RAB12: variants seen among roughly 807,000 people sequenced by gnomAD.
RAB12 encodes RAB12, member RAS oncogene family, also known as ras-related protein Rab-12.
Under a neutral mutation model 28.4 loss-of-function variants are expected in RAB12, and 11 were observed. That is an observed-to-expected ratio of 0.39 (90% CI 0.24 to 0.64). The LOEUF (loss-of-function observed/expected upper bound fraction) is 0.64, where lower values mean the gene tolerates loss of function less well. RAB12 is among the 30% of genes least tolerant of loss of function. The pLI, the probability that RAB12 is intolerant of heterozygous loss-of-function variation, is 0.50. For synonymous variants in RAB12, 138 were observed against 145.3 expected (o/e 0.95, Z 0.36); for missense variants, 276 against 351.1 (o/e 0.79, Z 1.71).
chr18:8,629,929 T>C (rs2096014974), intron 2 of RAB12, among the ~76,000 whole-genome samples: 1 of 152,230 alleles, frequency 6.6e-6, no homozygotes, highest in African/African-American at 2.4e-5. Context: ...TGGGTAAAGC[T>C]AAATCATAGA....
intron 2 of RAB12, among the ~76,000 whole-genome samples, chr18:8,630,595 G>A (rs1335048540): frequency 1.3e-5 from 2 of 152,214 alleles, no homozygotes; most frequent in African/African-American, 4.8e-5. Flanking sequence ...GGCCGAAGGG[G>A]AGGTCCATTC....
chr18:8,626,668 G>A (rs894623201), intron 2 of RAB12, among the ~76,000 whole-genome samples: 12 of 152,186 alleles, frequency 7.9e-5, no homozygotes, highest in Non-Finnish European at 1.2e-4. Flanking sequence ...AATCCCCCTC[G>A]GGGAGAAAGT....
intron 1 of RAB12, among the ~76,000 whole-genome samples, chr18:8,619,802 T>C (rs761758652): frequency 2.6e-5 from 4 of 152,142 alleles, no homozygotes; most frequent in Non-Finnish European, 5.9e-5. Flanking sequence ...GTATTAGACA[T>C]GGAGTATTTG....
intron 1 of RAB12, among the ~76,000 whole-genome samples, chr18:8,615,406 A>G (rs1050263805): frequency 3.9e-5 from 6 of 152,142 alleles, no homozygotes; most frequent in African/African-American, 1.4e-4. Context: ...ATTTTGCTAT[A>G]CTGTATTTGT....
chr18:8,633,258 A>C lies in RAB12; in HGVS notation c.645A>C (p.Ile215=), dbSNP rs1400012085. The part of the protein sequence containing the change: ...SAYYRSAKGI[I]LVYDITKKET... Reference sequence around the variant, plus strand: ...ATTACAGAAGTGCCAAGGGGATCATATTAGTATATGATATCACTAAGAAGG... The same window carrying C: ...ATTACAGAAGTGCCAAGGGGATCATCTTAGTATATGATATCACTAAGAAGG... The change falls in exon 3 of 6, where the codon ATA becomes ATC. Residue 215 remains isoleucine, a synonymous_variant. Transcript: ENST00000649141. 2 of 1,613,922 alleles carry C rather than the reference A, an allele frequency of 1.2e-6. No homozygotes were observed. Among genetic ancestry groups the C allele is most frequent in the African/African-American group, 1.3e-5 (1 of 74,922 alleles).
At position 8,638,938 on chromosome 18, in the gene RAB12, A is replaced by G. The variant is rs1490882429; in HGVS notation, c.*676A>G. 2 of 152,204 alleles carry G rather than the reference A, an allele frequency of 1.3e-5. No homozygotes were observed. Among genetic ancestry groups the G allele is most frequent in the East Asian group, 3.9e-4 (2 of 5,190 alleles). The allele number at this position is 152,204 out of a possible 1,614,324, so 9.4% of individuals were successfully genotyped here. A position where few individuals can be genotyped will look rare whatever the true frequency, so the allele number is the denominator to read the frequency against. On this transcript the variant is annotated 3_prime_UTR_variant, in exon 6 of 6. Coordinates refer to ENST00000649141, the MANE Select transcript of RAB12 (RefSeq NM_001025300.3). ...CTTTTAAGAACTACAAAGATTCAAT[A>G]AAGAAAGAAATGTTTTTGAAACTAT...
intron 1 of RAB12, among the ~76,000 whole-genome samples, chr18:8,619,123 G>C (rs2096008356): frequency 6.6e-6 from 1 of 152,160 alleles, no homozygotes; most frequent in Non-Finnish European, 1.5e-5. Flanking sequence ...TGTTTGTATT[G>C]AGACTTACTT....
At chr18:8,633,914 A>T (rs761224266) in intron 3 of RAB12, among the ~76,000 whole-genome samples, 1 of 152,218 alleles carries the variant, frequency 6.6e-6, no homozygotes, top group Non-Finnish European at 1.5e-5. Context: ...ATACACATTT[A>T]GAAGGCAGAG....
At chr18:8,632,976 TTAAATA>T (rs1598313723) in intron 2 of RAB12, 2 of 554,846 alleles carry the variant, frequency 3.6e-6, no homozygotes, top group East Asian at 6.3e-5. Flanking sequence ...AATTTAGTTG[TTAAATA>T]TAAAGGTATT....
intron 1 of RAB12, among the ~76,000 whole-genome samples, chr18:8,612,830 C>T (rs1308438855): frequency 1.3e-5 from 2 of 152,142 alleles, no homozygotes; most frequent in Non-Finnish European, 2.9e-5. Context: ...ACCACCAAGC[C>T]CTTTTTTGAT....
At chr18:8,619,771 T>G (rs534880698) in intron 1 of RAB12, among the ~76,000 whole-genome samples, 1 of 152,170 alleles carries the variant, frequency 6.6e-6, no homozygotes, top group Non-Finnish European at 1.5e-5. Context: ...ACTGGGCTGC[T>G]GTGAGGCTTG....
At chr18:8,619,620 C>T (rs984524006) in intron 1 of RAB12, among the ~76,000 whole-genome samples, 11 of 152,174 alleles carry the variant, frequency 7.2e-5, no homozygotes, top group Non-Finnish European at 1.3e-4. Flanking sequence ...AATAACCTTT[C>T]ATTGTGGGCA....
chr18:8,638,203 C>T lies in RAB12; in HGVS notation c.964C>T (p.Pro322Ser), dbSNP rs984091796. ...ELSNSILSLQ[P>S]EPEIPPELPP... ...GTCCAATAGTATCCTGTCGTTACAA[C>T]CAGAGCCTGAGATACCGCCAGAACT... is the stretch of plus-strand genomic sequence containing the variant. Residue 322 changes from proline (P) to serine (S), a missense_variant, in exon 6 of 6, where the codon CCA (proline) becomes TCA (serine). Transcript: ENST00000649141. The T allele has an allele frequency of 4.3e-6, 7 of 1,613,780 alleles. No individual in the cohort carries two copies. Among genetic ancestry groups the T allele is most frequent in the Non-Finnish European group, 5.9e-6 (7 of 1,179,858 alleles).
intron 1 of RAB12, among the ~76,000 whole-genome samples, chr18:8,618,158 T>C (rs2096007696): frequency 6.6e-6 from 1 of 152,046 alleles, no homozygotes; most frequent in Admixed American, 6.5e-5. Context: ...GTGGTGTCAT[T>C]GTTTGTTCCA....
At chr18:8,638,051 T>G in intron 5 of RAB12, 98 bp from the exon 6 acceptor site, 1 of 712,324 alleles carries the variant, frequency 1.4e-6, no homozygotes, top group Non-Finnish European at 2.4e-6. Flanking sequence ...CAGCTGTGTA[T>G]AAGTGGACCT....
intron 2 of RAB12, among the ~76,000 whole-genome samples, chr18:8,628,196 A>G (rs1306652574): frequency 2.0e-5 from 3 of 152,214 alleles, no homozygotes; most frequent in Non-Finnish European, 4.4e-5. Context: ...AGGTGAAAGC[A>G]TGATCAGTGC....
intron 1 of RAB12, among the ~76,000 whole-genome samples, chr18:8,617,196 A>G (rs1006759013): frequency 6.6e-6 from 1 of 152,244 alleles, no homozygotes; most frequent in Non-Finnish European, 1.5e-5. Flanking sequence ...CATAGAAAAG[A>G]CAATTTTTAA....
chr18:8,614,505 T>TAAA (rs763826653), intron 1 of RAB12, among the ~76,000 whole-genome samples: 11 of 87,292 alleles, frequency 1.3e-4, no homozygotes, highest in African/African-American at 3.9e-4. Flanking sequence ...GTAAGAACAT[T>TAAA]AAAAAAAAAA....
At chr18:8,620,568 T>G (rs150623868) in intron 1 of RAB12, among the ~76,000 whole-genome samples, 1 of 152,074 alleles carries the variant, frequency 6.6e-6, no homozygotes, top group South Asian at 2.1e-4. Flanking sequence ...CCTTTTTTTT[T>G]TTAACTAATC....
Sources: allele counts gnomAD v4.1 joint callset (sites outside exome capture counted in the v4.1 genomes callset), GRCh38; gene constraint gnomAD v4.1.1; transcripts MANE v1.5; gene names NCBI Gene and HGNC (gene_info 2026-07-23, HGNC 2026-07-21).